The following SLIT3 variants were observed in gnomAD, a reference collection of about 807,000 sequenced individuals.
The protein encoded by SLIT3 is slit guidance ligand 3.
Under a neutral mutation model 184.0 loss-of-function variants are expected in SLIT3, and 68 were observed. The ratio of observed to expected loss-of-function variants is 0.37; its 90% CI spans 0.30 to 0.45. The LOEUF is 0.45. Ranked by LOEUF, SLIT3 falls within the 20% of genes least tolerant of loss-of-function variation. The pLI is 1.00. For missense variants in SLIT3, 1,707 were observed against 2,026.0 expected (o/e 0.84, Z 3.02); for synonymous variants, 831 against 828.6 (o/e 1.00, Z -0.05).
At chr5:168,853,634 A>G (rs1397540932) in intron 5 of SLIT3, among the ~76,000 whole-genome samples, 1 of 152,204 alleles carries the variant, frequency 6.6e-6, no homozygotes, top group Non-Finnish European at 1.5e-5. Context: ...TGATCTCACA[A>G]TAATTCCTAC....
intron 4 of SLIT3, among the ~76,000 whole-genome samples, chr5:169,139,940 A>G (rs527385328): frequency 1.3e-5 from 2 of 152,248 alleles, no homozygotes; most frequent in East Asian, 3.9e-4. Context: ...CAGCTCAGAC[A>G]CTGTAAGTGC....
chr5:169,290,298 C>G (rs576107818), intron 1 of SLIT3, among the ~76,000 whole-genome samples: 1 of 139,454 alleles, frequency 7.2e-6, no homozygotes, highest in Non-Finnish European at 1.5e-5. Context: ...CGCTAGGGCG[C>G]GCACCAGGGC....
chr5:168,815,220 CT>C (rs145083882), intron 8 of SLIT3, among the ~76,000 whole-genome samples: 25 of 152,336 alleles, frequency 1.6e-4, no homozygotes, highest in African/African-American at 5.8e-4. Context: ...TGGACCTAGC[CT>C]TTCCAAAGGA....
chr5:168,700,246 T>C (rs1184281100), intron 27 of SLIT3, among the ~76,000 whole-genome samples: 1 of 152,186 alleles, frequency 6.6e-6, no homozygotes, highest in African/African-American at 2.4e-5. Flanking sequence ...CCTTGAATTA[T>C]AATAATCCCC....
chr5:168,679,048 CT>C (rs1298740079), intron 32 of SLIT3, among the ~76,000 whole-genome samples: 3 of 152,100 alleles, frequency 2.0e-5, no homozygotes, highest in African/African-American at 7.2e-5. Flanking sequence ...GGCCCATGGC[CT>C]TTTTGCCTTT....
intron 4 of SLIT3, among the ~76,000 whole-genome samples, chr5:168,935,829 G>A (rs1762142371): frequency 6.6e-6 from 1 of 152,218 alleles, no homozygotes; most frequent in South Asian, 2.1e-4. Context: ...GACAACTGTG[G>A]TACGGTTTCT....
intron 4 of SLIT3, among the ~76,000 whole-genome samples, chr5:169,170,839 A>G (rs1762795057): frequency 6.6e-6 from 1 of 152,194 alleles, no homozygotes; most frequent in Admixed American, 6.5e-5. Context: ...AAAAAGGGAG[A>G]ACAAGGGTGG....
At chr5:168,777,291 T>C (rs1005514881) in intron 12 of SLIT3, among the ~76,000 whole-genome samples, 8 of 152,204 alleles carry the variant, frequency 5.3e-5, no homozygotes, top group Non-Finnish European at 1.2e-4. Flanking sequence ...ACTAGTTTAC[T>C]TGACCTTCCT....
chr5:168,804,168 G>A (rs1397014540), intron 9 of SLIT3, among the ~76,000 whole-genome samples: 2 of 151,842 alleles, frequency 1.3e-5, no homozygotes, highest in Non-Finnish European at 2.9e-5. Flanking sequence ...AATTTGCTGG[G>A]TGTGGTGGCA....
intron 8 of SLIT3, among the ~76,000 whole-genome samples, chr5:168,815,554 C>T (rs1757311258): frequency 6.6e-6 from 1 of 152,080 alleles, no homozygotes; most frequent in African/African-American, 2.4e-5. Context: ...GAAGTTGGTG[C>T]CTGCGTGATA....
chr5:168,681,332 CCCAAACATGGGGCCTGGT>C (rs1341898651), intron 32 of SLIT3, among the ~76,000 whole-genome samples: 17 of 152,150 alleles, frequency 1.1e-4, no homozygotes, highest in African/African-American at 4.1e-4. Flanking sequence ...CAGGGTCTGG[CCCAAACATGGGGCCTGGT>C]AGATGTGGAA....
chr5:169,199,009 TAC>T (rs562637290), intron 3 of SLIT3, among the ~76,000 whole-genome samples: 47 of 146,150 alleles, frequency 3.2e-4, no homozygotes, highest in African/African-American at 4.5e-4. Flanking sequence ...TATATATAAA[TAC>T]ACACACACAC....
At chr5:169,220,291 A>G (rs1764578286) in intron 3 of SLIT3, among the ~76,000 whole-genome samples, 1 of 151,760 alleles carries the variant, frequency 6.6e-6, no homozygotes. Context: ...CTTCCTCACA[A>G]ACTGGAAGAT....
intron 4 of SLIT3, among the ~76,000 whole-genome samples, chr5:168,994,623 C>CCTT (rs1755447165): frequency 4.2e-5 from 2 of 47,074 alleles, no homozygotes; most frequent in Admixed American, 6.1e-4. Flanking sequence ...TGGCATTCTA[C>CCTT]TTTTTTTTTT....
chr5:168,937,525 A>T (rs1447374513), intron 4 of SLIT3, among the ~76,000 whole-genome samples: 1 of 152,142 alleles, frequency 6.6e-6, no homozygotes, highest in African/African-American at 2.4e-5. Context: ...GGTCCAGTCA[A>T]CTAGGCAGAT....
intron 3 of SLIT3, among the ~76,000 whole-genome samples, chr5:169,202,340 A>G (rs985752052): frequency 6.6e-6 from 1 of 152,058 alleles, no homozygotes; most frequent in Non-Finnish European, 1.5e-5. Context: ...CTATGAGCTA[A>G]GTGTTGTGTT....
rs1449394520 is a variant in SLIT3, at chr5:169,122,098, T to C, written c.413+71381A>G. On this transcript the variant is annotated intron_variant, in intron 4 of 35. Coordinates refer to ENST00000519560, the MANE Select transcript of SLIT3 (RefSeq NM_003062.4). ...TGGCCAGCTTGGCCCCAGACTGCCC[T>C]GCAGATAATGCTGCTTCTAAATTCC... Among the ~76,000 whole-genome samples the C allele has an allele frequency of 2.0e-5, 3 of 152,234 alleles. No homozygotes were observed. The East Asian group carries it at 5.8e-4, about 29-fold the overall frequency.
chr5:169,223,070 G>A (rs1764670868), intron 3 of SLIT3, among the ~76,000 whole-genome samples: 1 of 152,202 alleles, frequency 6.6e-6, no homozygotes. Context: ...AAAGGCAACT[G>A]TAAATTCAGT....
At chr5:169,020,263 A>G (rs985210285) in intron 4 of SLIT3, among the ~76,000 whole-genome samples, 1 of 152,170 alleles carries the variant, frequency 6.6e-6, no homozygotes, top group African/African-American at 2.4e-5. Context: ...TGGCTACATA[A>G]CTAGGACTAC....
Sources: allele counts gnomAD v4.1 joint callset (sites outside exome capture counted in the v4.1 genomes callset), GRCh38; gene constraint gnomAD v4.1.1; transcripts MANE v1.5; gene names NCBI Gene and HGNC (gene_info 2026-07-23, HGNC 2026-07-21).